ACSM3: variants seen among roughly 807,000 people sequenced by gnomAD.
ACSM3 encodes acyl-CoA synthetase medium chain family member 3, also known as acyl-coenzyme A synthetase ACSM3, mitochondrial.
Under a neutral mutation model 74.1 loss-of-function variants are expected in ACSM3, and 61 were observed. The observed-to-expected ratio is 0.82, with a 90% CI of 0.67 to 1.02. The LOEUF (loss-of-function observed/expected upper bound fraction) is 1.02, where lower values mean the gene tolerates loss of function less well. Among genes scored for constraint, ACSM3 ranks in the 50% least tolerant of loss-of-function variants. The pLI, the probability that ACSM3 is intolerant of heterozygous loss-of-function variation, is 0.00. For synonymous variants in ACSM3, 213 were observed against 241.5 expected, an observed-to-expected ratio of 0.88 and a Z score of 1.09; for missense variants, 660 against 697.0, an observed-to-expected ratio of 0.95 and a Z score of 0.60.
chr16:20,687,533 A>T (rs1311469093), intron 1 of ACSM3, among the ~76,000 whole-genome samples: 1 of 152,100 alleles, frequency 6.6e-6, no homozygotes, highest in Non-Finnish European at 1.5e-5. Context: ...CTTTTTTCAA[A>T]TGCCTAACTT....
At chr16:20,749,448 G>A (rs1053522566) in intron 1 of ACSM3, 19 of 152,192 alleles carry the variant, frequency 1.2e-4, no homozygotes, top group African/African-American at 4.3e-4. Context: ...AGAAGCCTGG[G>A]AAAGGGGAGA....
chr16:20,793,224 T>C (rs1352716496), intron 12 of ACSM3, among the ~76,000 whole-genome samples: 2 of 152,166 alleles, frequency 1.3e-5, no homozygotes, highest in Non-Finnish European at 2.9e-5. Flanking sequence ...ATCCTAGCAC[T>C]TTGGGAGGCT....
intron 1 of ACSM3, chr16:20,736,976 C>G: frequency 6.2e-7 from 1 of 1,614,086 alleles, no homozygotes; most frequent in Non-Finnish European, 8.5e-7. Flanking sequence ...GTGGATTAGA[C>G]GTTGGTTTTG....
At chr16:20,767,036 AT>A (rs946236067) in intron 1 of ACSM3, among the ~76,000 whole-genome samples, 13 of 151,230 alleles carry the variant, frequency 8.6e-5, no homozygotes, top group African/African-American at 2.2e-4. Context: ...GGAGGCAGAT[AT>A]TTTTTTTTCC....
In ACSM3 at chr16:20,792,093, T is replaced by G; in HGVS notation, c.1418T>G (p.Phe473Cys). Reference sequence around the variant, plus strand: ...ATGGATAAAGATGGGTATTTCTGGTTTGTTGCAAGAGCAGATGATGTCATA... The same window carrying G: ...ATGGATAAAGATGGGTATTTCTGGTGTGTTGCAAGAGCAGATGATGTCATA... ...GYMDKDGYFW[F>C]VARADDVILS... The change falls in exon 11 of 14, where the codon TTT (phenylalanine) becomes TGT (cysteine). Residue 473 changes from phenylalanine to cysteine, a missense_variant. Transcript: ENST00000289416. The G allele has an allele frequency of 6.2e-7, 1 of 1,614,144 alleles. No homozygotes were observed. The highest frequency in any genetic ancestry group is 1.3e-5 in the African/African-American group (1 of 75,040).
intron 1 of ACSM3, among the ~76,000 whole-genome samples, chr16:20,713,178 C>T (rs1413030596): frequency 6.6e-6 from 1 of 152,086 alleles, no homozygotes; most frequent in African/African-American, 2.4e-5. Flanking sequence ...ATAGTATCTA[C>T]CTCATGGGGT....
intron 2 of ACSM3, among the ~76,000 whole-genome samples, chr16:20,753,511 A>C (rs1260692689): frequency 1.3e-5 from 2 of 152,000 alleles, no homozygotes; most frequent in African/African-American, 4.8e-5. Context: ...AATTTGAAAA[A>C]TTATATTAAT....
At chr16:20,697,749 A>C (rs1368624493) in intron 1 of ACSM3, 1 of 152,232 alleles carries the variant, frequency 6.6e-6, no homozygotes, top group Non-Finnish European at 1.5e-5. Context: ...AGGATTGTGC[A>C]CCCAGCAGAA....
At chr16:20,700,183 C>T (rs1042689462) in intron 1 of ACSM3, among the ~76,000 whole-genome samples, 1 of 152,154 alleles carries the variant, frequency 6.6e-6, no homozygotes, top group Non-Finnish European at 1.5e-5. Flanking sequence ...AACTTGCTAT[C>T]GTCTGCTTAT....
chr16:20,773,739 T>C (rs1258815885), intron 2 of ACSM3, among the ~76,000 whole-genome samples: 4 of 152,228 alleles, frequency 2.6e-5, no homozygotes, highest in Admixed American at 2.6e-4. Flanking sequence ...ATGATTTCAA[T>C]TTTTAAGAAT....
At chr16:20,757,042 G>A (rs960280432) in intron 3 of ACSM3, among the ~76,000 whole-genome samples, 80 of 151,354 alleles carry the variant, frequency 5.3e-4, no homozygotes, top group African/African-American at 1.9e-3. Context: ...CTGTAGCCTT[G>A]TAGTATAGTT....
Position 20,775,838 on chromosome 16 carries a change from G to T in ACSM3, c.220-1G>T, listed in dbSNP as rs1244161039. 6.2e-7 allele frequency: 1 copy of T among 1,613,898 alleles called. No individual in the cohort carries two copies. Among genetic ancestry groups the T allele is most frequent in the East Asian group, 2.2e-5 (1 of 44,878 alleles). On this transcript the variant is annotated splice_acceptor_variant, in intron 2 of 13. Coordinates refer to ENST00000289416, the MANE Select transcript of ACSM3 (RefSeq NM_005622.4). LOFTEE classifies it high-confidence loss of function. ...TCAATGACTGGTTTTTCTTTCCTCA[G>T]GCTGGAAAGAAACCTTCAAATCCAG...
rs562840757 is a variant in ACSM3, at chr16:20,701,866, A to G, written c.-190+27044A>G. On this transcript the variant is annotated intron_variant, in intron 1 of 3. Coordinates refer to the ACSM3 transcript ENST00000561584. ...CTTCATCCATGTCCCTGCAAAGGAC[A>G]TGAACTCATTCTTTTTTATGGCTGC... Among the ~76,000 whole-genome samples the G allele has an allele frequency of 2.6e-5, 4 of 152,352 alleles. No homozygotes were observed. In the South Asian group the frequency reaches 6.2e-4, roughly 24 times the overall value.
At chr16:20,771,187 G>C (rs551677489) in intron 2 of ACSM3, among the ~76,000 whole-genome samples, 19 of 152,098 alleles carry the variant, frequency 1.2e-4, no homozygotes, top group Middle Eastern at 6.8e-3. Flanking sequence ...TCAGCCTCCC[G>C]AGTAGCCGGG....
intron 1 of ACSM3, among the ~76,000 whole-genome samples, chr16:20,696,728 T>C (rs2079691852): frequency 6.6e-6 from 1 of 152,220 alleles, no homozygotes; most frequent in African/African-American, 2.4e-5. Context: ...GGCTCCCCAC[T>C]GTATTCCCAG....
chr16:20,695,680 C>CATCTATCT (rs35535609), intron 1 of ACSM3, among the ~76,000 whole-genome samples: 288 of 151,014 alleles, frequency 1.9e-3, no homozygotes, highest in African/African-American at 5.1e-3. Flanking sequence ...ATCTATCTAT[C>CATCTATCT]ATCTATCTAT....
intron 6 of ACSM3, among the ~76,000 whole-genome samples, chr16:20,781,451 TA>T (rs2080351313): frequency 6.6e-6 from 1 of 152,198 alleles, no homozygotes; most frequent in Admixed American, 6.5e-5. Flanking sequence ...TTAGGCAGTA[TA>T]AATAATCTAG....
intron 1 of ACSM3, among the ~76,000 whole-genome samples, chr16:20,748,252 T>C (rs568409429): frequency 7.2e-4 from 110 of 152,340 alleles, no homozygotes; most frequent in Non-Finnish European, 1.4e-3. Flanking sequence ...AAGAATTATC[T>C]ACATGAATAC....
chr16:20,675,717 T>A (rs774081846), intron 1 of ACSM3, among the ~76,000 whole-genome samples: 14 of 152,192 alleles, frequency 9.2e-5, no homozygotes, highest in Non-Finnish European at 1.6e-4. Context: ...ATTGGCTGTG[T>A]GTTTTAAGGT....
Sources: gnomAD v4.1 joint callset for allele counts (sites outside exome capture counted in the v4.1 genomes callset) on GRCh38, gnomAD v4.1.1 for gene constraint, MANE v1.5 for transcripts, NCBI Gene and HGNC (gene_info 2026-07-23, HGNC 2026-07-21) for gene names.